SOX5: variants seen among roughly 807,000 people sequenced by gnomAD.
SOX5 encodes the protein transcription factor SOX-5.
A neutral mutation model predicts 92.0 loss-of-function variants in SOX5; 9 were observed. That is an observed-to-expected ratio of 0.10 (90% confidence interval 0.06 to 0.17). The LOEUF is 0.17. Among genes scored for constraint, SOX5 ranks in the 10% least tolerant of loss-of-function variants. The pLI is 1.00. For missense variants in SOX5, 642 were observed against 944.5 expected (o/e 0.68, Z 4.20); for synonymous variants, 344 against 336.3 (o/e 1.02, Z -0.25).
intron 1 of SOX5, among the ~76,000 whole-genome samples, chr12:24,553,456 C>T (rs1186460382): frequency 1.3e-5 from 2 of 152,200 alleles, no homozygotes; most frequent in African/African-American, 4.8e-5. Flanking sequence ...TGCAGGGCTG[C>T]CTTGACTCAA....
intron 1 of SOX5, among the ~76,000 whole-genome samples, chr12:23,900,391 T>C (rs991045948): frequency 2.6e-5 from 4 of 152,186 alleles, no homozygotes; most frequent in Non-Finnish European, 4.4e-5. Context: ...ATATGCCTTA[T>C]AATCACTCTG....
At chr12:23,684,730 G>A (rs940195714) in intron 6 of SOX5, among the ~76,000 whole-genome samples, 1 of 152,134 alleles carries the variant, frequency 6.6e-6, no homozygotes, top group Non-Finnish European at 1.5e-5. Context: ...AGTGCTTAAA[G>A]TGATGGTAAA....
At chr12:24,417,661 A>C (rs1015387768) in intron 1 of SOX5, among the ~76,000 whole-genome samples, 2 of 152,236 alleles carry the variant, frequency 1.3e-5, no homozygotes, top group Non-Finnish European at 2.9e-5. Context: ...CTTCAGGCAG[A>C]GCAGGTCATT....
intron 3 of SOX5, among the ~76,000 whole-genome samples, chr12:24,232,813 A>G (rs1963670835): frequency 1.3e-5 from 2 of 152,182 alleles, no homozygotes; most frequent in African/African-American, 4.8e-5. Context: ...ATTTTCCACT[A>G]TTGAGAAATT....
Position 24,545,761 on chromosome 12 carries a change from TCCCTTTCCAAGAATAG to T in SOX5, c.-251+16552_-251+16567del, listed in dbSNP as rs528045871. 3.4e-3 allele frequency among the ~76,000 whole-genome samples: 511 copies of T among 152,242 alleles called. 1 individual carries two copies. The highest frequency in any genetic ancestry group is 5.7e-3 in the Non-Finnish European group (386 of 68,012). ...CGGCTGCTGGAAGCTCCCAGTTCAGTCCCTTTCCAAGAATAGCCCTAGCTTAGAGTTGTGGCCCCTC... is the reference window on the plus strand; with the variant it reads ...CGGCTGCTGGAAGCTCCCAGTTCAGTCCCTAGCTTAGAGTTGTGGCCCCTC... On this transcript the variant is annotated intron_variant, in intron 1 of 4. Coordinates refer to the SOX5 transcript ENST00000446891.
chr12:24,375,580 C>CA (rs71063316), intron 1 of SOX5, among the ~76,000 whole-genome samples: 1 of 151,376 alleles, frequency 6.6e-6, no homozygotes, highest in Non-Finnish European at 1.5e-5. Flanking sequence ...ACTAAAAATA[C>CA]AAAAAATTAG....
intron 4 of SOX5, among the ~76,000 whole-genome samples, chr12:24,145,255 AT>A (rs1396150811): frequency 6.6e-6 from 1 of 152,184 alleles, no homozygotes; most frequent in Non-Finnish European, 1.5e-5. Flanking sequence ...AATTAAATTA[AT>A]TTTTAAGAGG....
At chr12:24,428,895 A>G (rs1349016520) in intron 1 of SOX5, among the ~76,000 whole-genome samples, 2 of 152,148 alleles carry the variant, frequency 1.3e-5, no homozygotes, top group African/African-American at 2.4e-5. Context: ...ACTGAGTTCA[A>G]ATACCATTTA....
At chr12:23,693,879 A>T (rs1363887590) in intron 6 of SOX5, among the ~76,000 whole-genome samples, 1 of 152,170 alleles carries the variant, frequency 6.6e-6, no homozygotes, top group African/African-American at 2.4e-5. Flanking sequence ...TTTGCTTTCC[A>T]TTCAAACTTC....
At chr12:24,172,408 G>A (rs1264821807) in intron 4 of SOX5, among the ~76,000 whole-genome samples, 2 of 152,106 alleles carry the variant, frequency 1.3e-5, no homozygotes, top group African/African-American at 4.8e-5. Flanking sequence ...GCATGGTGGT[G>A]CATGCCTGTG....
In SOX5 at chr12:24,384,213, A is replaced by G. The variant is rs183934875; in HGVS notation, c.-250-15574T>C. ...CAGACTAACACAGTTAGATTCTCAT[A>G]AGGAGTGCACAACCTAGATCCCTCG... On this transcript the variant is annotated intron_variant, in intron 1 of 4. Transcript: ENST00000446891. 2.0e-5 allele frequency among the ~76,000 whole-genome samples: 3 copies of G among 152,270 alleles called. No homozygotes were observed. The East Asian group carries it at 5.8e-4, about 29-fold the overall frequency.
intron 1 of SOX5, among the ~76,000 whole-genome samples, chr12:24,503,540 G>GTAC (rs1323941069): frequency 2.6e-5 from 4 of 152,114 alleles, no homozygotes; most frequent in Non-Finnish European, 5.9e-5. Flanking sequence ...GTTTATTGTA[G>GTAC]TACTGTTCAC....
intron 1 of SOX5, among the ~76,000 whole-genome samples, chr12:24,547,091 GA>G (rs933275613): frequency 2.0e-5 from 3 of 149,484 alleles, no homozygotes; most frequent in Non-Finnish European, 3.0e-5. Context: ...AACAATAGGA[GA>G]AAAAAAATGT....
chr12:24,004,210 G>GAA (rs528250045), intron 4 of SOX5, among the ~76,000 whole-genome samples: 1 of 117,488 alleles, frequency 8.5e-6, no homozygotes. Context: ...GAAGAAAACA[G>GAA]AAAAAAAAAA....
intron 4 of SOX5, among the ~76,000 whole-genome samples, chr12:24,197,293 C>T (rs1957097370): frequency 6.6e-6 from 1 of 152,088 alleles, no homozygotes; most frequent in East Asian, 1.9e-4. Context: ...AGATGAGTGC[C>T]CTTCCAGTCA....
At chr12:23,588,945 C>T (rs1172438336) in intron 9 of SOX5, among the ~76,000 whole-genome samples, 1 of 151,900 alleles carries the variant, frequency 6.6e-6, no homozygotes, top group African/African-American at 2.4e-5. Context: ...ACATACTGTA[C>T]AGGTTTGCAG....
intron 1 of SOX5, among the ~76,000 whole-genome samples, chr12:23,940,478 A>G (rs1943414046): frequency 6.6e-6 from 1 of 151,204 alleles, no homozygotes; most frequent in South Asian, 2.1e-4. Flanking sequence ...GGAGCTAGGG[A>G]CACTGCAAAT....
chr12:24,204,335 T>TTATTAA (rs2139589358), intron 4 of SOX5, among the ~76,000 whole-genome samples: 1 of 150,984 alleles, frequency 6.6e-6, no homozygotes, highest in South Asian at 2.1e-4. Flanking sequence ...TTAATTATTA[T>TTATTAA]TATTATTATT....
intron 1 of SOX5, among the ~76,000 whole-genome samples, chr12:24,511,865 G>A (rs1402589514): frequency 6.6e-6 from 1 of 151,572 alleles, no homozygotes. Flanking sequence ...GGCTGAGGCA[G>A]GAGAATGGTG....
Sources: allele counts gnomAD v4.1 joint callset (sites outside exome capture counted in the v4.1 genomes callset), GRCh38; gene constraint gnomAD v4.1.1; transcripts MANE v1.5; gene names NCBI Gene and HGNC (gene_info 2026-07-23, HGNC 2026-07-21).